Variants in SGPP2 observed in about 807,000 individuals in gnomAD.
SGPP2 encodes the protein sphingosine-1-phosphate phosphatase 2.
SGPP2 carries 30 observed loss-of-function variants against 33.9 expected under a neutral mutation model. The ratio of observed to expected loss-of-function variants is 0.89; its 90% confidence interval spans 0.66 to 1.20. The LOEUF is 1.20. SGPP2 is among the 50% of genes most tolerant of loss of function. The pLI, the probability that SGPP2 is intolerant of heterozygous loss-of-function variation, is 0.00. For missense variants in SGPP2, 458 were observed against 532.1 expected (o/e 0.86, Z 1.37); for synonymous variants, 233 against 225.0 (o/e 1.04, Z -0.32).
intron 1 of SGPP2, among the ~76,000 whole-genome samples, chr2:222,470,838 G>C (rs903516407): frequency 2.0e-5 from 3 of 152,106 alleles, no homozygotes; most frequent in Non-Finnish European, 4.4e-5. Context: ...CTCTTTATAG[G>C]GTGTGCCTCA....
intron 2 of SGPP2, among the ~76,000 whole-genome samples, chr2:222,486,022 C>T (rs1698101373): frequency 6.6e-6 from 1 of 152,236 alleles, no homozygotes; most frequent in Admixed American, 6.5e-5. Flanking sequence ...CCAGGGAGCC[C>T]TCTCTAGTTA....
rs1008376162 is a variant in SGPP2 at position 222,476,383 on chromosome 2, C to T, written c.378+1657C>T. ...ACAGAGGGACTAGGGAGCAACTGCCCCTGGCTCCACCTGGGACTTCAAATC... is the reference window on the plus strand; with the variant it reads ...ACAGAGGGACTAGGGAGCAACTGCCTCTGGCTCCACCTGGGACTTCAAATC... On this transcript the variant is annotated intron_variant, in intron 2 of 4. Transcript: ENST00000321276. The surrounding 1 kb of genome is among the most constrained non-coding windows in gnomAD (Gnocchi z 4.3). 1.3e-5 allele frequency among the ~76,000 whole-genome samples: 2 copies of T among 152,102 alleles called. No individual in the cohort carries two copies. The highest frequency in any genetic ancestry group is 4.8e-5 in the African/African-American group (2 of 41,386).
intron 2 of SGPP2, among the ~76,000 whole-genome samples, chr2:222,515,626 G>A (rs946799701): frequency 1.3e-5 from 2 of 151,974 alleles, no homozygotes; most frequent in African/African-American, 4.8e-5. Context: ...ACCGTGCCCA[G>A]CCTGAACATA....
At chr2:222,478,112 A>G (rs1324681915) in intron 2 of SGPP2, among the ~76,000 whole-genome samples, 1 of 148,192 alleles carries the variant, frequency 6.7e-6, no homozygotes, top group Non-Finnish European at 1.5e-5. Flanking sequence ...TGAGAAGCGT[A>G]AGGTAGTGTG....
chr2:222,532,919 C>T (rs944983610), intron 4 of SGPP2, among the ~76,000 whole-genome samples: 1 of 152,118 alleles, frequency 6.6e-6, no homozygotes, highest in African/African-American at 2.4e-5. Flanking sequence ...CTTTACCACC[C>T]CTGGGGCCAC....
At position 222,554,873 on chromosome 2, in the gene SGPP2, T is replaced by G. The variant is rs1689360760; in HGVS notation, c.649-3474T>G. On this transcript the variant is annotated intron_variant, in intron 4 of 4. Transcript: ENST00000321276. ...TATTTTGAAATTTTAATTTAAAAAT[T>G]AGCAGTAAAATTGACTTTGTTTGGC... Among the ~76,000 whole-genome samples the G allele has an allele frequency of 1.3e-5, 2 of 152,202 alleles. 1 individual carries two copies. The highest frequency in any genetic ancestry group is 1.3e-4 in the Admixed American group (2 of 15,274).
At chr2:222,486,080 T>A (rs928911131) in intron 2 of SGPP2, among the ~76,000 whole-genome samples, 1 of 152,192 alleles carries the variant, frequency 6.6e-6, no homozygotes, top group Non-Finnish European at 1.5e-5. Context: ...TCCTCTCTTG[T>A]GGGTTTGGCT....
chr2:222,545,616 T>G (rs1689176604), intron 4 of SGPP2, among the ~76,000 whole-genome samples: 2 of 151,702 alleles, frequency 1.3e-5, no homozygotes, highest in African/African-American at 4.8e-5. Flanking sequence ...TGTTATTGTT[T>G]AGGAATCAGT....
intron 1 of SGPP2, among the ~76,000 whole-genome samples, chr2:222,436,914 G>A (rs28849194): frequency 2.6e-5 from 4 of 152,178 alleles, no homozygotes; most frequent in Non-Finnish European, 5.9e-5. Context: ...GTGGCCATAG[G>A]TCAGCCTTGG....
At chr2:222,539,334 T>C (rs1698959296) in intron 4 of SGPP2, among the ~76,000 whole-genome samples, 2 of 152,166 alleles carry the variant, frequency 1.3e-5, no homozygotes, top group Admixed American at 1.3e-4. Flanking sequence ...TCAAAGAAAC[T>C]GGTTTAGCAT....
chr2:222,496,687 T>C (rs1423712893), intron 2 of SGPP2, among the ~76,000 whole-genome samples: 1 of 152,200 alleles, frequency 6.6e-6, no homozygotes, highest in Admixed American at 6.5e-5. Flanking sequence ...CCCCCCGCCA[T>C]GCCCTACATA....
chr2:222,501,821 G>T (rs565893066), intron 2 of SGPP2, among the ~76,000 whole-genome samples: 12 of 152,302 alleles, frequency 7.9e-5, no homozygotes, highest in African/African-American at 2.9e-4. Flanking sequence ...AGACATATTA[G>T]AAAAATCCAA....
At chr2:222,481,675 G>A (rs1178378021) in intron 2 of SGPP2, among the ~76,000 whole-genome samples, 1 of 152,060 alleles carries the variant, frequency 6.6e-6, no homozygotes, top group East Asian at 1.9e-4. Context: ...GCCATTTAAT[G>A]TGGGACTCCT....
chr2:222,557,296 A>C (rs1272920437), intron 4 of SGPP2, among the ~76,000 whole-genome samples: 1 of 152,210 alleles, frequency 6.6e-6, no homozygotes, highest in Non-Finnish European at 1.5e-5. Flanking sequence ...TGTGTTTGGC[A>C]AACAGTAGGC....
chr2:222,551,297 T>G (rs931048761), intron 4 of SGPP2, among the ~76,000 whole-genome samples: 1 of 152,186 alleles, frequency 6.6e-6, no homozygotes, highest in South Asian at 2.1e-4. Context: ...CCGTTTTCCC[T>G]CTGGCCTCAC....
In SGPP2 at chr2:222,559,137, C is replaced by G. The variant is rs1046717594; in HGVS notation, c.*239C>G. ...TGAACCCAGGCTAAAGACCATAATC[C>G]GGATCTTTAAAGGCACACACCGCGC... On this transcript the variant is annotated 3_prime_UTR_variant, in exon 5 of 5. Transcript: ENST00000321276. The G allele has an allele frequency of 3.6e-5, 11 of 302,002 alleles. No individual in the cohort carries two copies. Among genetic ancestry groups the G allele is most frequent in the Non-Finnish European group, 5.0e-5 (8 of 161,604 alleles). 18.7% of individuals were successfully genotyped at this position (302,002 alleles called of 1,614,324 possible). A position where few individuals can be genotyped will look rare whatever the true frequency, so the allele number is the denominator to read the frequency against.
chr2:222,541,972 G>T (rs1699005264), intron 4 of SGPP2, among the ~76,000 whole-genome samples: 1 of 152,110 alleles, frequency 6.6e-6, no homozygotes, highest in Non-Finnish European at 1.5e-5. Context: ...TAAACAAATT[G>T]TAAATGTGCA....
rs567686501 is a variant in SGPP2, at chr2:222,529,406, C to A, written c.648+4373C>A. On this transcript the variant is annotated intron_variant, in intron 4 of 4. Coordinates refer to ENST00000321276, the MANE Select transcript of SGPP2 (RefSeq NM_152386.4). ...CTGGAGTGCAATGGCGTGATGTCTA[C>A]TCACTGCAACCTCCGTCTCCCGGGT... is the stretch of plus-strand genomic sequence containing the variant. 1.2e-4 allele frequency among the ~76,000 whole-genome samples: 18 copies of A among 152,306 alleles called. 1 individual carries two copies. In the East Asian group the frequency reaches 3.5e-3, roughly 29 times the overall value.
intron 2 of SGPP2, among the ~76,000 whole-genome samples, chr2:222,517,234 C>T (rs987025441): frequency 7.2e-5 from 11 of 152,208 alleles, no homozygotes; most frequent in Admixed American, 6.5e-4. Flanking sequence ...TAAATAGGAA[C>T]AGGCATTCCT....
Sources: gnomAD v4.1 joint callset for allele counts (sites outside exome capture counted in the v4.1 genomes callset) on GRCh38, gnomAD v4.1.1 for gene constraint, Gnocchi (gnomAD v3.1) non-coding constraint, MANE v1.5 for transcripts, NCBI Gene and HGNC (gene_info 2026-07-23, HGNC 2026-07-21) for gene names.